JARID2: variants seen among roughly 807,000 people sequenced by gnomAD.
JARID2 encodes the protein protein Jumonji.
In JARID2, 21 loss-of-function variants were observed where a neutral mutation model predicts 125.6. The ratio of observed to expected loss-of-function variants is 0.17; its 90% CI spans 0.12 to 0.24. The LOEUF is 0.24. Among genes scored for constraint, JARID2 ranks in the 10% least tolerant of loss-of-function variants. The probability of loss-of-function intolerance (pLI) is 1.00; values close to 1 mark genes in which losing one functional copy is unlikely to be tolerated. For missense variants in JARID2, 1,303 were observed against 1,639.6 expected, an observed-to-expected ratio of 0.79 and a Z score of 3.55; for synonymous variants, 736 against 661.6, an observed-to-expected ratio of 1.11 and a Z score of -1.73.
chr6:15,283,205 G>C lies in JARID2; in HGVS notation c.45+36621G>C, dbSNP rs183554061. On this transcript the variant is annotated intron_variant, in intron 1 of 17. Coordinates refer to ENST00000341776, the MANE Select transcript of JARID2 (RefSeq NM_004973.4). The stretch of plus-strand genomic sequence containing the variant: ...GTGTTAGCCAGGACGGTCTCGATCT[G>C]CCGACCTTGTGATCTGCCCACCTTG... 6.5e-4 allele frequency among the ~76,000 whole-genome samples: 97 copies of C among 148,900 alleles called. 1 individual carries two copies. Among genetic ancestry groups the C allele is most frequent in the Admixed American group, 2.4e-3 (36 of 14,976 alleles).
rs576088594 is a variant in JARID2 at position 15,507,042 on chromosome 6, C to T, written c.2542-94C>T. On this transcript the variant is annotated intron_variant, in intron 9 of 17. Transcript: ENST00000341776. The stretch of plus-strand genomic sequence containing the variant: ...GCGTCTGTTCTGAGGGGTGTGTGCA[C>T]CAGGCATTCGTGTCCCAGTTTTGTT... The T allele has an allele frequency of 1.9e-4, 147 of 780,836 alleles. No homozygotes were observed. In the South Asian group the frequency reaches 2.0e-3, roughly 11 times the overall value. 48.4% of individuals were successfully genotyped at this position (780,836 alleles called of 1,614,324 possible). A position where few individuals can be genotyped will look rare whatever the true frequency, so the allele number is the denominator to read the frequency against.
At chr6:15,438,729 A>G (rs1035552489) in intron 3 of JARID2, among the ~76,000 whole-genome samples, 2 of 152,146 alleles carry the variant, frequency 1.3e-5, no homozygotes, top group South Asian at 2.1e-4. Flanking sequence ...TATCTGCTCC[A>G]TTGAAATCCC....
chr6:15,442,099 T>A (rs2127619556), intron 3 of JARID2, among the ~76,000 whole-genome samples: 1 of 151,712 alleles, frequency 6.6e-6, no homozygotes, highest in South Asian at 2.1e-4. Context: ...CTTATATTTC[T>A]CTTGCATTTT....
chr6:15,432,035 A>T (rs1189352233), intron 3 of JARID2, among the ~76,000 whole-genome samples: 1 of 151,966 alleles, frequency 6.6e-6, no homozygotes, highest in African/African-American at 2.4e-5. Context: ...CCAGTGTGTT[A>T]CCGGTGGAGG....
intron 1 of JARID2, among the ~76,000 whole-genome samples, chr6:15,256,937 A>G (rs536539135): frequency 1.5e-4 from 23 of 152,298 alleles, no homozygotes; most frequent in African/African-American, 5.1e-4. Context: ...TAGTAGTGGG[A>G]GGGAATCGGT....
intron 1 of JARID2, chr6:15,247,703 A>T: frequency 1.0e-6 from 1 of 985,396 alleles, no homozygotes; most frequent in Non-Finnish European, 1.2e-6. Context: ...GTAAAAAAAT[A>T]TATTTAATGG....
chr6:15,387,879 T>C (rs1459682547), intron 2 of JARID2, among the ~76,000 whole-genome samples: 2 of 152,134 alleles, frequency 1.3e-5, no homozygotes, highest in African/African-American at 4.8e-5. Context: ...TGAGGACTTC[T>C]GAGGTCGAGG....
intron 1 of JARID2, among the ~76,000 whole-genome samples, chr6:15,252,416 T>C (rs1208814281): frequency 6.6e-6 from 1 of 152,226 alleles, no homozygotes; most frequent in African/African-American, 2.4e-5. Flanking sequence ...TGTTTAGCCT[T>C]AATCCCCGCA....
chr6:15,453,654 T>C (rs1404868054), intron 4 of JARID2, among the ~76,000 whole-genome samples: 1 of 152,258 alleles, frequency 6.6e-6, no homozygotes, highest in East Asian at 1.9e-4. Flanking sequence ...ATGGGCTTCC[T>C]ATTTTATTCA....
chr6:15,369,244 T>C lies in JARID2; in HGVS notation c.46-4873T>C, dbSNP rs1764079618. 1.4e-5 allele frequency: 5 copies of C among 356,810 alleles called. 2 individuals are homozygous for C. The highest frequency in any genetic ancestry group is 1.1e-4 in the South Asian group (5 of 43,620). The allele number at this position is 356,810 out of a possible 1,614,324, so 22.1% of individuals were successfully genotyped here. A position where few individuals can be genotyped will look rare whatever the true frequency, so the allele number is the denominator to read the frequency against. ...TTAGAGATAACTTGCAATGCCAAGT[T>C]GTGGCCCACAGACCACCTGTACCTT... On this transcript the variant is annotated intron_variant, in intron 1 of 17. Coordinates refer to ENST00000341776, the MANE Select transcript of JARID2 (RefSeq NM_004973.4).
intron 3 of JARID2, among the ~76,000 whole-genome samples, chr6:15,414,764 GTTT>G (rs577943971): frequency 6.8e-6 from 1 of 147,048 alleles, no homozygotes; most frequent in Non-Finnish European, 1.5e-5. Flanking sequence ...GGGTGAGATT[GTTT>G]TTTTTTTAAA....
At chr6:15,315,452 A>G (rs1762147074) in intron 1 of JARID2, among the ~76,000 whole-genome samples, 1 of 152,166 alleles carries the variant, frequency 6.6e-6, no homozygotes, top group East Asian at 1.9e-4. Context: ...TCTCTCTCAT[A>G]TAGCTTTGAT....
At chr6:15,463,122 A>T (rs1281968610) in intron 4 of JARID2, among the ~76,000 whole-genome samples, 1 of 152,052 alleles carries the variant, frequency 6.6e-6, no homozygotes, top group Admixed American at 6.6e-5. Flanking sequence ...CGGGAGAGAA[A>T]ATCTGCCTGT....
At position 15,294,722 on chromosome 6, in the gene JARID2, T is replaced by C. The variant is rs550159057; in HGVS notation, c.45+48138T>C. 4.6e-5 allele frequency among the ~76,000 whole-genome samples: 7 copies of C among 152,250 alleles called. No homozygotes were observed. In the South Asian group the frequency reaches 6.2e-4, roughly 14 times the overall value. On this transcript the variant is annotated intron_variant, in intron 1 of 17. Transcript: ENST00000341776. The stretch of plus-strand genomic sequence containing the variant: ...CTGTCGGGAGTCAAGAACCAATGAA[T>C]TGTAGAACCAATACATTGTACACTT...
At chr6:15,323,692 G>A (rs919709490) in intron 1 of JARID2, among the ~76,000 whole-genome samples, 4 of 152,142 alleles carry the variant, frequency 2.6e-5, no homozygotes, top group African/African-American at 4.8e-5. Flanking sequence ...TTGGGAGGCC[G>A]AAGCAGGCAG....
intron 3 of JARID2, among the ~76,000 whole-genome samples, chr6:15,421,624 A>AT (rs1380276967): frequency 3.9e-5 from 6 of 152,128 alleles, no homozygotes; most frequent in African/African-American, 1.4e-4. Flanking sequence ...TGTGCTAAAA[A>AT]TTTTTACCTT....
chr6:15,304,328 C>A (rs1329024298), intron 1 of JARID2, among the ~76,000 whole-genome samples: 29 of 137,678 alleles, frequency 2.1e-4, no homozygotes, highest in African/African-American at 7.3e-4. Context: ...CGCCCACCCA[C>A]TGTAACTTGG....
intron 17 of JARID2, among the ~76,000 whole-genome samples, chr6:15,519,538 AATG>A (rs1343667501): frequency 1.3e-5 from 2 of 152,230 alleles, no homozygotes; most frequent in East Asian, 1.9e-4. Context: ...TGTTTTTAAA[AATG>A]ATATGATTAT....
At chr6:15,425,979 A>T (rs1479086391) in intron 3 of JARID2, among the ~76,000 whole-genome samples, 1 of 152,190 alleles carries the variant, frequency 6.6e-6, no homozygotes, top group Non-Finnish European at 1.5e-5. Context: ...TGACGTCCTA[A>T]TAGCATGATG....
Sources: gnomAD v4.1 joint callset for allele counts (sites outside exome capture counted in the v4.1 genomes callset) on GRCh38, gnomAD v4.1.1 for gene constraint, MANE v1.5 for transcripts, NCBI Gene and HGNC (gene_info 2026-07-23, HGNC 2026-07-21) for gene names.